SOS2: variants seen among roughly 807,000 people sequenced by gnomAD.
SOS2 encodes the protein SOS Ras/Rho guanine nucleotide exchange factor 2, also known as son of sevenless homolog 2.
In SOS2, 65 loss-of-function variants were observed where a neutral mutation model predicts 148.2. The observed-to-expected ratio is 0.44, with a 90% CI of 0.36 to 0.54. SOS2 has a LOEUF of 0.54. SOS2 is among the 20% of genes least tolerant of loss of function. SOS2 has a pLI of 0.00. For missense variants in SOS2, 1,341 were observed against 1,590.2 expected (o/e 0.84, Z 2.67); for synonymous variants, 539 against 537.1 (o/e 1.00, Z -0.05).
intron 1 of SOS2, among the ~76,000 whole-genome samples, chr14:50,221,787 A>G (rs1887209971): frequency 6.6e-6 from 1 of 152,166 alleles, no homozygotes; most frequent in South Asian, 2.1e-4. Flanking sequence ...GCAGTGAGCC[A>G]TGATCATGCC....
chr14:50,137,858 G>C (rs1884135308), intron 18 of SOS2, among the ~76,000 whole-genome samples: 1 of 151,952 alleles, frequency 6.6e-6, no homozygotes, highest in Non-Finnish European at 1.5e-5. Context: ...TTTATTTTTT[G>C]AGACGGAGTC....
chr14:50,119,617 C>A (rs1014283726), intron 22 of SOS2, among the ~76,000 whole-genome samples: 1 of 151,880 alleles, frequency 6.6e-6, no homozygotes, highest in Admixed American at 6.6e-5. Flanking sequence ...CTGCAACCTA[C>A]CTTCACCTCC....
rs953947357 is a variant in SOS2, at chr14:50,161,780, T to C, written c.1069-171A>G. On this transcript the variant is annotated intron_variant, in intron 8 of 22. Coordinates refer to ENST00000216373, the MANE Select transcript of SOS2 (RefSeq NM_006939.4). The stretch of plus-strand genomic sequence containing the variant: ...ACCTACTGCCCTCTCAAACCAACCC[T>C]TTTTCTTTCTTTTTTTTTTTTTTTT... 5.5e-5 allele frequency among the ~76,000 whole-genome samples: 6 copies of C among 109,620 alleles called. No homozygotes were observed. In the East Asian group the frequency reaches 2.2e-3, roughly 39 times the overall value. 71.9% of individuals were successfully genotyped at this position (109,620 alleles called of 152,430 possible). A position where few individuals can be genotyped will look rare whatever the true frequency, so the allele number is the denominator to read the frequency against.
intron 1 of SOS2, among the ~76,000 whole-genome samples, chr14:50,204,652 T>C (rs577511310): frequency 6.6e-6 from 1 of 152,310 alleles, no homozygotes; most frequent in East Asian, 1.9e-4. Context: ...CTCTCTTCCC[T>C]ATCACCAAAA....
intron 5 of SOS2, among the ~76,000 whole-genome samples, chr14:50,187,227 G>A (rs562400715): frequency 2.0e-5 from 3 of 151,908 alleles, no homozygotes; most frequent in African/African-American, 7.3e-5. Flanking sequence ...ACCCAGGCTG[G>A]TCTCAAATTC....
chr14:50,159,716 T>G lies in SOS2; in HGVS notation c.1567A>C (p.Ile523Leu). Reference sequence around the variant, plus strand: ...TCTTCAGCAGACTTAGCAGCAAATATTATGCTGTTCTCATCTTTGGATACT... The same window carrying G: ...TCTTCAGCAGACTTAGCAGCAAATAGTATGCTGTTCTCATCTTTGGATACT... The part of the protein sequence containing the change: ...ELVSKDENSI[I>L]FAAKSAEEKN... Residue 523 changes from isoleucine (I) to leucine (L), a missense_variant, in exon 10 of 23, where the codon ATA (isoleucine) becomes CTA (leucine). Physicochemically the swap from Ile to Leu is conservative, Grantham distance 5. Transcript: ENST00000216373. 6.2e-7 allele frequency: 1 copy of G among 1,614,032 alleles called. No individual in the cohort carries two copies. The highest frequency in any genetic ancestry group is 8.5e-7 in the Non-Finnish European group (1 of 1,179,928).
chr14:50,224,142 T>G (rs543050159), intron 1 of SOS2, among the ~76,000 whole-genome samples: 50 of 149,832 alleles, frequency 3.3e-4, no homozygotes, highest in African/African-American at 1.1e-3. Flanking sequence ...AAAAAAAAAA[T>G]TAACCAGACG....
intron 12 of SOS2, among the ~76,000 whole-genome samples, chr14:50,154,086 GGGAAGAGGAGGGAAAT>G (rs1296727218): frequency 2.0e-5 from 3 of 152,204 alleles, no homozygotes; most frequent in African/African-American, 7.2e-5. Flanking sequence ...CAAGGGGAGA[GGGAAGAGGAGGGAAAT>G]GGAAGAGGAA....
chr14:50,199,712 T>G lies in SOS2; in HGVS notation c.489A>C (p.Lys163Asn). The G allele has an allele frequency of 6.2e-7, 1 of 1,607,180 alleles. No individual in the cohort carries two copies. Among genetic ancestry groups the G allele is most frequent in the Non-Finnish European group, 8.5e-7 (1 of 1,176,280 alleles). The change falls in exon 4 of 23, where the codon AAA (lysine) becomes AAC (asparagine). Residue 163 changes from lysine (K) to asparagine (N), a missense_variant. By Grantham distance (94) the Lys-to-Asn change is moderately conservative. This residue lies in a region of SOS2 where 574 missense variants were observed against 711.1 expected (regional missense o/e 0.81). Coordinates refer to ENST00000216373, the MANE Select transcript of SOS2 (RefSeq NM_006939.4). ...RHYEISQQDI[K>N]VSMCADKVLM... ...TTACCTTATCCGCACACATTGACAC[T>G]TTAATGTCCTGCTGAGATATTTCAT...
chr14:50,120,079 G>A (rs550241087), intron 22 of SOS2, among the ~76,000 whole-genome samples, 196 bp downstream of exon 22: 119 of 152,168 alleles, frequency 7.8e-4, no homozygotes, highest in African/African-American at 2.7e-3. Flanking sequence ...GAGCCACTGC[G>A]CCCGGCCCAG....
chr14:50,127,694 T>C (rs1883729344), intron 21 of SOS2, among the ~76,000 whole-genome samples: 1 of 152,228 alleles, frequency 6.6e-6, no homozygotes, highest in African/African-American at 2.4e-5. Context: ...CCTCTGCTAC[T>C]GTTAAGTATG....
intron 4 of SOS2, among the ~76,000 whole-genome samples, chr14:50,191,889 C>T (rs775487379): frequency 2.0e-5 from 3 of 151,908 alleles, no homozygotes; most frequent in African/African-American, 7.3e-5. Flanking sequence ...AACCTAGAGA[C>T]CCTATTCACT....
intron 14 of SOS2, among the ~76,000 whole-genome samples, chr14:50,149,804 A>G (rs1275395830): frequency 5.9e-5 from 9 of 152,142 alleles, no homozygotes; most frequent in African/African-American, 1.9e-4. Context: ...TCCTCTTGTA[A>G]TGGATTGCTA....
At chr14:50,219,609 G>A (rs979431888) in intron 1 of SOS2, among the ~76,000 whole-genome samples, 3 of 152,042 alleles carry the variant, frequency 2.0e-5, no homozygotes, top group African/African-American at 7.2e-5. Context: ...TACTGGGATG[G>A]TTTTACTGTG....
chr14:50,215,261 A>G, intron 1 of SOS2: 2 of 487,976 alleles, frequency 4.1e-6, no homozygotes, highest in Non-Finnish European at 6.4e-6. Flanking sequence ...TGATTTTGTT[A>G]AATAAGCTAC....
intron 1 of SOS2, among the ~76,000 whole-genome samples, chr14:50,222,793 G>C (rs372158453): frequency 1.3e-5 from 2 of 152,338 alleles, no homozygotes; most frequent in East Asian, 3.9e-4. Context: ...AGAGGGCCTA[G>C]TAAACCTTTG....
chr14:50,192,140 T>C (rs1239121590), intron 4 of SOS2, among the ~76,000 whole-genome samples: 1 of 74,598 alleles, frequency 1.3e-5, no homozygotes, highest in African/African-American at 6.1e-5. Context: ...TGAGTCCTTG[T>C]CACAAAAAAA....
chr14:50,148,094 G>A (rs1258842338), intron 14 of SOS2, among the ~76,000 whole-genome samples: 1 of 152,072 alleles, frequency 6.6e-6, no homozygotes, highest in Non-Finnish European at 1.5e-5. Context: ...TTTTCTTAAA[G>A]TGGCTCTATT....
intron 4 of SOS2, among the ~76,000 whole-genome samples, chr14:50,189,795 C>CAAGA (rs1886064021): frequency 6.6e-6 from 1 of 152,028 alleles, no homozygotes; most frequent in African/African-American, 2.4e-5. Flanking sequence ...AACCAACAGG[C>CAAGA]AAGAACTAGC....
Sources: allele counts gnomAD v4.1 joint callset (sites outside exome capture counted in the v4.1 genomes callset), GRCh38; gene constraint gnomAD v4.1.1; regional missense constraint gnomAD v4.1.1; transcripts MANE v1.5; gene names NCBI Gene and HGNC (gene_info 2026-07-23, HGNC 2026-07-21).